DPYD: variants seen among roughly 807,000 people sequenced by gnomAD.
DPYD encodes dihydropyrimidine dehydrogenase [NADP(+)].
A neutral mutation model predicts 116.2 loss-of-function variants in DPYD; 109 were observed. The ratio of observed to expected loss-of-function variants is 0.94; its 90% CI spans 0.80 to 1.10. DPYD has a LOEUF of 1.10. DPYD is among the 50% of genes least tolerant of loss of function. DPYD has a pLI of 0.00. For missense variants in DPYD, 1,302 were observed against 1,254.5 expected, an observed-to-expected ratio of 1.04 and a Z score of -0.57; for synonymous variants, 440 against 432.0, an observed-to-expected ratio of 1.02 and a Z score of -0.23.
At chr1:97,532,750 C>CT (rs35263335) in intron 12 of DPYD, among the ~76,000 whole-genome samples, 13 of 150,952 alleles carry the variant, frequency 8.6e-5, no homozygotes, top group Admixed American at 5.3e-4. Flanking sequence ...TTTGAATACT[C>CT]TTTTTTTTTC....
intron 3 of DPYD, among the ~76,000 whole-genome samples, chr1:97,768,997 A>C (rs2101153115): frequency 6.6e-6 from 1 of 152,142 alleles, no homozygotes; most frequent in Admixed American, 6.5e-5. Flanking sequence ...TCGAGTATTA[A>C]ATTTAAAAGT....
chr1:97,452,423 C>T (rs1019295656), intron 13 of DPYD, among the ~76,000 whole-genome samples: 2 of 152,132 alleles, frequency 1.3e-5, no homozygotes, highest in Admixed American at 6.6e-5. Context: ...TGAGTCTAGA[C>T]TAAAACCATA....
intron 20 of DPYD, among the ~76,000 whole-genome samples, chr1:97,163,520 A>C (rs1656081909): frequency 6.6e-6 from 1 of 152,162 alleles, no homozygotes; most frequent in South Asian, 2.1e-4. Flanking sequence ...ATTTCTAAAC[A>C]ACAGAATGTT....
intron 2 of DPYD, among the ~76,000 whole-genome samples, chr1:97,851,950 C>T (rs1294268942): frequency 3.5e-5 from 5 of 143,578 alleles, no homozygotes; most frequent in Admixed American, 1.4e-4. Flanking sequence ...ATCAAACCTG[C>T]ATGTTGTGCA....
Position 97,260,685 on chromosome 1 carries a change from A to G in DPYD, c.2300-25691T>C, listed in dbSNP as rs868713001. On this transcript the variant is annotated intron_variant, in intron 18 of 22. Transcript: ENST00000370192. ...AACAAAAAACACTCAAATACAAAAC[A>G]AAAGGACACATGGTGATTTTCATTT... Among the ~76,000 whole-genome samples, 7 of 152,180 alleles carry G rather than the reference A, an allele frequency of 4.6e-5. No individual in the cohort carries two copies. The South Asian group carries it at 1.0e-3, about 22-fold the overall frequency.
At chr1:97,238,769 AAAC>A (rs1008264439) in intron 18 of DPYD, among the ~76,000 whole-genome samples, 1 of 152,174 alleles carries the variant, frequency 6.6e-6, no homozygotes, top group African/African-American at 2.4e-5. Context: ...ATCTTTAAGG[AAAC>A]AACAAGGTTT....
Position 97,883,323 on chromosome 1 carries a change from TG to T in DPYD, c.90del (p.Thr31LeufsTer6). 6.2e-7 allele frequency: 1 copy of T among 1,613,054 alleles called. No homozygotes were observed. Among genetic ancestry groups the T allele is most frequent in the Non-Finnish European group, 8.5e-7 (1 of 1,179,304 alleles). Reference sequence around the variant, plus strand: ...TTCTTGTCTAATTTCTTGGCCGAAGTGGAACACAGAGTTGCATGAGTTTGTG... The same window carrying T: ...TTCTTGTCTAATTTCTTGGCCGAAGTGAACACAGAGTTGCATGAGTTTGTG... ...PRTQTHATLC[S>X]TSAKKLDKKH... is the part of the protein sequence containing the mutation. On this transcript the variant is annotated frameshift_variant, in exon 2 of 23. Coordinates refer to ENST00000370192, the MANE Select transcript of DPYD (RefSeq NM_000110.4). LOFTEE classifies it high-confidence loss of function.
At chr1:97,525,758 TAG>T (rs58098297) in intron 12 of DPYD, among the ~76,000 whole-genome samples, 1,625 of 108,580 alleles carry the variant, frequency 0.015, 18 homozygotes, top group Non-Finnish European at 0.018. Flanking sequence ...CCTGGGTAAT[TAG>T]AGAGAGAGAG....
At chr1:97,204,073 T>A (rs986917102) in intron 19 of DPYD, among the ~76,000 whole-genome samples, 2 of 151,952 alleles carry the variant, frequency 1.3e-5, no homozygotes, top group Non-Finnish European at 2.9e-5. Context: ...TATGTAAGAG[T>A]TAAGCGTTAT....
At chr1:97,728,475 T>C (rs1663393657) in intron 4 of DPYD, among the ~76,000 whole-genome samples, 1 of 152,264 alleles carries the variant, frequency 6.6e-6, no homozygotes, top group African/African-American at 2.4e-5. Flanking sequence ...CACAAGCCGC[T>C]ACCCTGTCAT....
intron 1 of DPYD, among the ~76,000 whole-genome samples, chr1:97,905,267 T>A (rs566932870): frequency 6.6e-6 from 1 of 152,108 alleles, no homozygotes; most frequent in African/African-American, 2.4e-5. Context: ...GGAGCAAGGG[T>A]TAGACTAATA....
At chr1:97,292,404 G>T (rs554794652) in intron 18 of DPYD, among the ~76,000 whole-genome samples, 1 of 152,094 alleles carries the variant, frequency 6.6e-6, no homozygotes, top group Non-Finnish European at 1.5e-5. Context: ...AAGGAGAAGC[G>T]CAGAGTGAAG....
chr1:97,767,959 A>G (rs1231373606), intron 3 of DPYD, among the ~76,000 whole-genome samples: 1 of 152,104 alleles, frequency 6.6e-6, no homozygotes, highest in Non-Finnish European at 1.5e-5. Flanking sequence ...CAAGGAAATG[A>G]TGAGATTTGT....
chr1:97,589,817 GACCATT>G lies in DPYD; in HGVS notation c.1128+3395_1128+3400del, dbSNP rs1206686419. ...TTCCAAATTACACCCAAGAGTCCAT[GACCATT>G]AAATAACACACATATTTGACGACAT... On this transcript the variant is annotated intron_variant, in intron 10 of 22. Coordinates refer to ENST00000370192, the MANE Select transcript of DPYD (RefSeq NM_000110.4). Among the ~76,000 whole-genome samples, 10 of 152,184 alleles carry G rather than the reference GACCATT, an allele frequency of 6.6e-5. No homozygotes were observed. In the East Asian group the frequency reaches 1.9e-3, roughly 29 times the overall value.
chr1:97,831,556 T>A (rs577400414), intron 2 of DPYD, among the ~76,000 whole-genome samples: 3 of 152,250 alleles, frequency 2.0e-5, no homozygotes, highest in Non-Finnish European at 4.4e-5. Context: ...AAGTATCACA[T>A]AGGGGACTTA....
intron 3 of DPYD, among the ~76,000 whole-genome samples, chr1:97,784,067 T>C (rs546850420): frequency 6.6e-6 from 1 of 152,286 alleles, no homozygotes; most frequent in South Asian, 2.1e-4. Flanking sequence ...TAATAGGTTA[T>C]AAGAGATATG....
At chr1:97,262,452 A>G (rs1368404824) in intron 18 of DPYD, among the ~76,000 whole-genome samples, 1 of 152,102 alleles carries the variant, frequency 6.6e-6, no homozygotes, top group Non-Finnish European at 1.5e-5. Flanking sequence ...TATTATTCCT[A>G]GTAATTAACA....
chr1:97,386,045 G>A (rs1672323637), intron 14 of DPYD, among the ~76,000 whole-genome samples: 1 of 152,048 alleles, frequency 6.6e-6, no homozygotes, highest in Non-Finnish European at 1.5e-5. Flanking sequence ...TGCTGGTGGG[G>A]CAGCCTCTGA....
At position 97,716,896 on chromosome 1, in the gene DPYD, T is replaced by G. The variant is rs1161855916; in HGVS notation, c.483+4614A>C. On this transcript the variant is annotated intron_variant, in intron 5 of 22. Coordinates refer to ENST00000370192, the MANE Select transcript of DPYD (RefSeq NM_000110.4). ...CTAAAGCAAATAAAACAAAATACAT[T>G]TTATCAATTACATGAAAAAATTCAA... is the stretch of plus-strand genomic sequence containing the variant. Among the ~76,000 whole-genome samples the G allele has an allele frequency of 3.9e-5, 6 of 152,054 alleles. No homozygotes were observed. The East Asian group carries it at 9.6e-4, about 24-fold the overall frequency.
Sources: allele counts gnomAD v4.1 joint callset (sites outside exome capture counted in the v4.1 genomes callset), GRCh38; gene constraint gnomAD v4.1.1; transcripts MANE v1.5; gene names NCBI Gene and HGNC (gene_info 2026-07-23, HGNC 2026-07-21).